The following RBM11 variants were observed in gnomAD, a reference collection of about 807,000 sequenced individuals.
RBM11 encodes the protein RNA binding motif protein 11.
In RBM11, 18 loss-of-function variants were observed where a neutral mutation model predicts 21.4. The observed-to-expected ratio is 0.84, with a 90% CI of 0.58 to 1.25. The LOEUF (loss-of-function observed/expected upper bound fraction) is 1.25, where lower values mean the gene tolerates loss of function less well. RBM11 is among the 50% of genes most tolerant of loss of function. RBM11 has a pLI of 0.00. For missense variants in RBM11, 294 were observed against 331.9 expected (o/e 0.89, Z 0.89); for synonymous variants, 120 against 116.3 (o/e 1.03, Z -0.20).
chr21:14,216,322 G>C (rs1264687422), intron 1 of RBM11, 40 bp downstream of exon 1: 1 of 1,574,208 alleles, frequency 6.4e-7, no homozygotes, highest in Non-Finnish European at 8.7e-7. Context: ...GGCGGAGCAC[G>C]TCGGGCCGGA....
At chr21:14,226,232 TATAACATTTTAA>T (rs1249801702) in intron 4 of RBM11, among the ~76,000 whole-genome samples, 1 of 152,188 alleles carries the variant, frequency 6.6e-6, no homozygotes, top group Admixed American at 6.5e-5. Flanking sequence ...ATATTAAAGT[TATAACATTTTAA>T]ATGGATATAT....
In RBM11 at chr21:14,227,479, A is replaced by G; in HGVS notation, c.*186A>G. The G allele has an allele frequency of 1.7e-6, 1 of 603,306 alleles. No homozygotes were observed. Among genetic ancestry groups the G allele is most frequent in the Non-Finnish European group, 2.7e-6 (1 of 364,970 alleles). The allele number at this position is 603,306 out of a possible 1,614,324, so 37.4% of individuals were successfully genotyped here. A position where few individuals can be genotyped will look rare whatever the true frequency, so the allele number is the denominator to read the frequency against. On this transcript the variant is annotated 3_prime_UTR_variant, in exon 5 of 5. Transcript: ENST00000400577. ...GACAAAAGCTTTCTAAAAATAGTAT[A>G]ATGTACCACTTTTTGTATTTGTCAT...
intron 3 of RBM11, chr21:14,221,421 A>G (rs1433621555): frequency 9.8e-6 from 3 of 305,596 alleles, no homozygotes; most frequent in Non-Finnish European, 1.8e-5. Flanking sequence ...CATGCTTTTC[A>G]TAGCTGTTAA....
chr21:14,216,337 T>C, intron 1 of RBM11, 55 bp downstream of exon 1: 1 of 1,514,850 alleles, frequency 6.6e-7, no homozygotes, highest in Non-Finnish European at 9.1e-7. Flanking sequence ...GCCGGAAACA[T>C]AGCGCGCACC....
At position 14,216,240 on chromosome 21, in the gene RBM11, G is replaced by A. The variant is rs776040974; in HGVS notation, c.54G>A (p.Glu18=). 102 of 1,613,792 alleles carry A rather than the reference G, an allele frequency of 6.3e-5. No homozygotes were observed. Among genetic ancestry groups the A allele is most frequent in the Non-Finnish European group, 8.2e-5 (97 of 1,179,830 alleles). Reference sequence around the variant, plus strand: ...GGACCGTGTTTGTTGGGAATTTAGAGGCCCGAGTTCGGGAAGAGATTCTGT... The same window carrying A: ...GGACCGTGTTTGTTGGGAATTTAGAAGCCCGAGTTCGGGAAGAGATTCTGT... ...ADRTVFVGNL[E]ARVREEILYE... Residue 18 remains glutamate, a synonymous_variant, in exon 1 of 5, where the codon GAG becomes GAA. Coordinates refer to ENST00000400577, the MANE Select transcript of RBM11 (RefSeq NM_144770.5).
rs1017023290 is a variant in RBM11 at position 14,227,255 on chromosome 21, C to G, written c.808C>G (p.Gln270Glu). 6.2e-7 allele frequency: 1 copy of G among 1,612,968 alleles called. No individual in the cohort carries two copies. Among genetic ancestry groups the G allele is most frequent in the Non-Finnish European group, 8.5e-7 (1 of 1,179,628 alleles). The change falls in exon 5 of 5, where the codon CAA (glutamine) becomes GAA (glutamate). Residue 270 changes from glutamine (Q) to glutamate (E), a missense_variant. Gln to Glu is a conservative substitution (Grantham distance 29). Transcript: ENST00000400577. ...TDNNRGNECS[Q>E]KFRKSKKKKR... is the part of the protein sequence containing the mutation. The stretch of plus-strand genomic sequence containing the variant: ...CAACAACAGAGGCAACGAATGTAGC[C>G]AAAAGTTCCGAAAGTCTAAGAAGAA...
chr21:14,217,568 G>C (rs2123386618), intron 1 of RBM11, among the ~76,000 whole-genome samples: 1 of 152,090 alleles, frequency 6.6e-6, no homozygotes, highest in East Asian at 1.9e-4. Flanking sequence ...TTCCTTTCCT[G>C]GACGTAAAAC....
At chr21:14,222,470 T>TTA (rs1444374044) in intron 3 of RBM11, among the ~76,000 whole-genome samples, 4 of 152,076 alleles carry the variant, frequency 2.6e-5, no homozygotes, top group Non-Finnish European at 1.5e-5. Flanking sequence ...TCCCTTTTAG[T>TTA]TATATCAACC....
rs1979181469 is a variant in RBM11 at position 14,227,252 on chromosome 21, A to G, written c.805A>G (p.Ser269Gly). The change falls in exon 5 of 5, where the codon AGC (serine) becomes GGC (glycine). Residue 269 changes from serine to glycine, a missense_variant. Around this residue, in one of 2 missense-constraint regions of RBM11, gnomAD observed 113 missense variants for 167.3 expected, o/e 0.68. Coordinates refer to ENST00000400577, the MANE Select transcript of RBM11 (RefSeq NM_144770.5). Reference sequence around the variant, plus strand: ...AGACAACAACAGAGGCAACGAATGTAGCCAAAAGTTCCGAAAGTCTAAGAA... The same window carrying G: ...AGACAACAACAGAGGCAACGAATGTGGCCAAAAGTTCCGAAAGTCTAAGAA... ...STDNNRGNEC[S>G]QKFRKSKKKK... The G allele has an allele frequency of 1.2e-6, 2 of 1,613,350 alleles. No homozygotes were observed. The highest frequency in any genetic ancestry group is 1.7e-6 in the Non-Finnish European group (2 of 1,179,712).
intron 3 of RBM11, chr21:14,221,439 A>C (rs1005413340): frequency 1.2e-5 from 3 of 259,156 alleles, no homozygotes; most frequent in African/African-American, 6.8e-5. Flanking sequence ...TAAATCATTT[A>C]AGCATACAAG....
In RBM11 at chr21:14,216,391, G is replaced by A. The variant is rs979623077; in HGVS notation, c.96+109G>A. 5.7e-6 allele frequency: 5 copies of A among 882,442 alleles called. No individual in the cohort carries two copies. In the African/African-American group the frequency reaches 8.5e-5, roughly 15 times the overall value. 54.7% of individuals were successfully genotyped at this position (882,442 alleles called of 1,614,324 possible). A position where few individuals can be genotyped will look rare whatever the true frequency, so the allele number is the denominator to read the frequency against. ...GCCCCCTTCCGTCCCATCCTGAGCA[G>A]GGGTTTTAATTTCGTTTCCTCTTGG... On this transcript the variant is annotated intron_variant, in intron 1 of 4. Transcript: ENST00000400577.
Position 14,216,327 on chromosome 21 carries a change from G to A in RBM11, c.96+45G>A, listed in dbSNP as rs376125467. 9.7e-5 allele frequency: 152 copies of A among 1,560,866 alleles called. No individual in the cohort carries two copies. The African/African-American group carries it at 1.5e-3, about 15-fold the overall frequency. On this transcript the variant is annotated intron_variant, in intron 1 of 4. Coordinates refer to ENST00000400577, the MANE Select transcript of RBM11 (RefSeq NM_144770.5). ...GCGGCGGAGGGGCGGAGCACGTCGG[G>A]CCGGAAACATAGCGCGCACCTGGAC...
chr21:14,224,996 C>T (rs887478317), intron 4 of RBM11, among the ~76,000 whole-genome samples: 1 of 151,844 alleles, frequency 6.6e-6, no homozygotes, highest in Admixed American at 6.6e-5. Flanking sequence ...GGTGCACACC[C>T]GTAACCCCAG....
At chr21:14,218,033 G>C (rs1027872682) in intron 1 of RBM11, among the ~76,000 whole-genome samples, 3 of 152,090 alleles carry the variant, frequency 2.0e-5, no homozygotes, top group Non-Finnish European at 4.4e-5. Context: ...GGTATTGAAA[G>C]GAATTGCCAA....
chr21:14,224,350 A>C, intron 3 of RBM11, 88 bp from the exon 4 acceptor site: 1 of 1,474,882 alleles, frequency 6.8e-7, no homozygotes, highest in Non-Finnish European at 9.0e-7. Context: ...GCATCCCCTG[A>C]GGAAAGATAG....
intron 4 of RBM11, among the ~76,000 whole-genome samples, chr21:14,225,352 A>G (rs562978314): frequency 1.4e-4 from 21 of 152,294 alleles, no homozygotes; most frequent in Non-Finnish European, 2.6e-4. Flanking sequence ...AGTAAACTAA[A>G]TTATTTCCAG....
In RBM11 at chr21:14,228,309, G is replaced by A. The variant is rs549088882; in HGVS notation, c.*1016G>A. The A allele has an allele frequency of 1.2e-4, 18 of 152,042 alleles. No homozygotes were observed. The highest frequency in any genetic ancestry group is 4.3e-4 in the African/African-American group (18 of 41,474). The allele number at this position is 152,042 out of a possible 1,614,324, so 9.4% of individuals were successfully genotyped here. A position where few individuals can be genotyped will look rare whatever the true frequency, so the allele number is the denominator to read the frequency against. On this transcript the variant is annotated 3_prime_UTR_variant, in exon 5 of 5. Transcript: ENST00000400577. The stretch of plus-strand genomic sequence containing the variant: ...AAAGCCATGCTTGGATGTTTCTTTT[G>A]CATGTTGCCTAGCATTTTATAGATA...
At chr21:14,219,023 T>G (rs1200839414) in intron 1 of RBM11, among the ~76,000 whole-genome samples, 1 of 152,166 alleles carries the variant, frequency 6.6e-6, no homozygotes, top group African/African-American at 2.4e-5. Flanking sequence ...GTCTTGAACA[T>G]ATTTAAACAT....
Position 14,227,055 on chromosome 21 carries a change from C to G in RBM11, c.608C>G (p.Thr203Arg), listed in dbSNP as rs1332261244. 1 of 1,610,558 alleles carries G rather than the reference C, an allele frequency of 6.2e-7. No individual in the cohort carries two copies. Among genetic ancestry groups the G allele is most frequent in the African/African-American group, 1.4e-5 (1 of 73,810 alleles). ...AGTGACTCTGACCTTTATCAGATGA[C>G]AGCTCCACTTCCTAATAGTGCATCC... ...QPSDSDLYQMTAPLPNSASVS... is the reference protein window; with the variant it reads ...QPSDSDLYQMRAPLPNSASVS... The change falls in exon 5 of 5, where the codon ACA becomes AGA. Residue 203 changes from threonine (T) to arginine (R), a missense_variant. Thr to Arg is a moderately conservative substitution (Grantham distance 71). This residue lies in a region of RBM11 where 113 missense variants were observed against 167.3 expected (regional missense o/e 0.68). Transcript: ENST00000400577.
Sources: gnomAD v4.1 joint callset for allele counts (sites outside exome capture counted in the v4.1 genomes callset) on GRCh38, gnomAD v4.1.1 for gene constraint, gnomAD v4.1.1 regional missense constraint, MANE v1.5 for transcripts, NCBI Gene and HGNC (gene_info 2026-07-23, HGNC 2026-07-21) for gene names.